The following GALNT13 variants were observed in gnomAD, a reference collection of about 807,000 sequenced individuals.
The protein encoded by GALNT13 is UDP-GalNAc:polypeptide N-acetylgalactosaminyltransferase 13.
Under a neutral mutation model 64.2 loss-of-function variants are expected in GALNT13, and 28 were observed. That is an observed-to-expected ratio of 0.44 (90% CI 0.32 to 0.60). The LOEUF is 0.60. Ranked by LOEUF, GALNT13 falls within the 20% of genes least tolerant of loss-of-function variation. The probability of loss-of-function intolerance (pLI) is 0.05; values close to 1 mark genes in which losing one functional copy is unlikely to be tolerated. For synonymous variants in GALNT13, 214 were observed against 224.6 expected, an observed-to-expected ratio of 0.95 and a Z score of 0.42; for missense variants, 577 against 669.8, an observed-to-expected ratio of 0.86 and a Z score of 1.53.
At chr2:153,296,404 C>T in the GALNT13 span, among the ~76,000 whole-genome samples, 1 of 151,860 alleles carries the variant, frequency 6.6e-6, no homozygotes, top group East Asian at 1.9e-4. Context: ...CTTCCTTATC[C>T]CTTTTGTGAA....
chr2:153,964,839 G>T (rs962431976), intron 3 of GALNT13, among the ~76,000 whole-genome samples: 1 of 151,840 alleles, frequency 6.6e-6, no homozygotes, highest in Admixed American at 6.6e-5. Context: ...AATATATTAT[G>T]GGCATTTTGT....
the GALNT13 span, among the ~76,000 whole-genome samples, chr2:153,792,128 C>T: frequency 6.6e-6 from 1 of 152,066 alleles, no homozygotes; most frequent in Non-Finnish European, 1.5e-5. Flanking sequence ...TGGTAACCAC[C>T]ATAAACTTTT....
the GALNT13 span, among the ~76,000 whole-genome samples, chr2:153,267,814 T>C: frequency 6.6e-6 from 1 of 152,232 alleles, no homozygotes; most frequent in African/African-American, 2.4e-5. Context: ...TTTTCTTTTG[T>C]ATTGCATCAT....
chr2:153,646,569 C>T, the GALNT13 span, among the ~76,000 whole-genome samples: 31 of 151,918 alleles, frequency 2.0e-4, 1 homozygote, highest in African/African-American at 5.6e-4. Context: ...CCCATTAACT[C>T]GTCATTTACA....
At chr2:154,349,953 C>A (rs1240161176) in intron 9 of GALNT13, among the ~76,000 whole-genome samples, 1 of 152,144 alleles carries the variant, frequency 6.6e-6, no homozygotes, top group African/African-American at 2.4e-5. Flanking sequence ...CTGTGCAGTT[C>A]AAAAACAGAT....
At chr2:153,361,910 A>C in the GALNT13 span, among the ~76,000 whole-genome samples, 1 of 152,126 alleles carries the variant, frequency 6.6e-6, no homozygotes, top group African/African-American at 2.4e-5. Flanking sequence ...ACCCCAAGAC[A>C]CATAATCGTC....
the GALNT13 span, among the ~76,000 whole-genome samples, chr2:153,489,952 C>T: frequency 6.6e-6 from 1 of 151,358 alleles, no homozygotes; most frequent in Non-Finnish European, 1.5e-5. Flanking sequence ...CCCCTGCACT[C>T]CAGCCCGGGC....
intron 2 of GALNT13, among the ~76,000 whole-genome samples, chr2:153,913,754 G>T (rs1209611893): frequency 1.3e-5 from 2 of 152,096 alleles, no homozygotes; most frequent in African/African-American, 4.8e-5. Flanking sequence ...GTCCCATGCA[G>T]GGTGCCCAGT....
chr2:153,506,458 G>T, the GALNT13 span, among the ~76,000 whole-genome samples: 1 of 152,208 alleles, frequency 6.6e-6, no homozygotes, highest in African/African-American at 2.4e-5. Context: ...TGTTTAAGTA[G>T]GGTCTATTTT....
the GALNT13 span, among the ~76,000 whole-genome samples, chr2:153,592,631 G>A: frequency 6.6e-6 from 1 of 152,240 alleles, no homozygotes; most frequent in South Asian, 2.1e-4. Context: ...TCATAAATGG[G>A]TGCTAAAAAA....
At chr2:154,284,939 A>G (rs754083307) in intron 8 of GALNT13, among the ~76,000 whole-genome samples, 6 of 152,082 alleles carry the variant, frequency 3.9e-5, no homozygotes, top group Non-Finnish European at 8.8e-5. Flanking sequence ...ATGTGAGGTG[A>G]TATCTCATGT....
At chr2:154,370,706 T>C (rs147302315) in intron 9 of GALNT13, among the ~76,000 whole-genome samples, 349 of 152,242 alleles carry the variant, frequency 2.3e-3, no homozygotes, top group African/African-American at 8.1e-3. Context: ...GATATTCAAG[T>C]GTAGGTGTCA....
At chr2:154,191,267 GCA>G (rs1213837540) in intron 4 of GALNT13, among the ~76,000 whole-genome samples, 1 of 151,972 alleles carries the variant, frequency 6.6e-6, no homozygotes, top group East Asian at 1.9e-4. Context: ...GCGCACGCAC[GCA>G]CACACACACC....
chr2:153,119,840 G>A, the GALNT13 span, among the ~76,000 whole-genome samples: 4 of 152,176 alleles, frequency 2.6e-5, no homozygotes, highest in East Asian at 1.9e-4. Context: ...AGCTTCAGTT[G>A]TGAACTGTGG....
the GALNT13 span, among the ~76,000 whole-genome samples, chr2:153,369,089 G>T: frequency 6.6e-6 from 1 of 152,036 alleles, no homozygotes; most frequent in Admixed American, 6.6e-5. Context: ...TCTAAGAGGA[G>T]CATCTAGGAA....
intron 3 of GALNT13, among the ~76,000 whole-genome samples, chr2:154,011,252 G>A (rs969326129): frequency 1.5e-4 from 15 of 97,516 alleles, no homozygotes; most frequent in Admixed American, 1.4e-3. Context: ...CTTTAGCTGT[G>A]GCCCTGAGAT....
chr2:153,738,898 T>C, the GALNT13 span, among the ~76,000 whole-genome samples: 4 of 151,868 alleles, frequency 2.6e-5, no homozygotes, highest in African/African-American at 9.7e-5. Flanking sequence ...TGTCCATATG[T>C]AGAGCCAAGT....
At chr2:153,704,535 A>G in the GALNT13 span, among the ~76,000 whole-genome samples, 1 of 152,214 alleles carries the variant, frequency 6.6e-6, no homozygotes, top group East Asian at 1.9e-4. Flanking sequence ...TCAATGCAAG[A>G]GTGAAAATCT....
At chr2:154,243,024 T>C in intron 6 of GALNT13, 119 bp downstream of exon 6, 6 of 754,208 alleles carry the variant, frequency 8.0e-6, no homozygotes, top group Non-Finnish European at 1.3e-5. Flanking sequence ...TTTATAGCTT[T>C]TCTTAAAAGC....
Sources: gnomAD v4.1 joint callset for allele counts (sites outside exome capture counted in the v4.1 genomes callset) on GRCh38, gnomAD v4.1.1 for gene constraint, MANE v1.5 for transcripts, NCBI Gene and HGNC (gene_info 2026-07-23, HGNC 2026-07-21) for gene names.